The following SDK2 variants were observed in gnomAD, a reference collection of about 807,000 sequenced individuals.
The protein encoded by SDK2 is sidekick cell adhesion molecule 2, also known as protein sidekick-2.
In SDK2, 105 loss-of-function variants were observed where a neutral mutation model predicts 253.9. That is an observed-to-expected ratio of 0.41 (90% CI 0.35 to 0.49). The LOEUF is 0.49. Ranked by LOEUF, SDK2 falls within the 20% of genes least tolerant of loss-of-function variation. The pLI is 0.06. For synonymous variants in SDK2, 1,249 were observed against 1,234.9 expected (o/e 1.01, Z -0.24); for missense variants, 2,608 against 3,003.0 (o/e 0.87, Z 3.07).
chr17:73,478,483 T>C (rs1464389462), intron 2 of SDK2, among the ~76,000 whole-genome samples: 1 of 152,150 alleles, frequency 6.6e-6, no homozygotes, highest in Non-Finnish European at 1.5e-5. Flanking sequence ...GTTCTCGTCA[T>C]CTCCATCACA....
At chr17:73,471,371 G>T (rs985636322) in intron 3 of SDK2, among the ~76,000 whole-genome samples, 1 of 152,180 alleles carries the variant, frequency 6.6e-6, no homozygotes, top group Non-Finnish European at 1.5e-5. Context: ...GCTGAGGTGG[G>T]CAGATCACTT....
chr17:73,643,995 C>G lies in SDK2; in HGVS notation c.64+30G>C. The stretch of plus-strand genomic sequence containing the variant: ...CCCCCGCCCACTCTCCCAGCCCCCT[C>G]CCTGTCCCCACGTGGGGGTCCCTCC... On this transcript the variant is annotated intron_variant, in intron 1 of 44. Transcript: ENST00000392650. The surrounding 1 kb of genome is among the most constrained non-coding windows in gnomAD (Gnocchi z 6.9). 6.7e-7 allele frequency: 1 copy of G among 1,494,734 alleles called. No individual in the cohort carries two copies. The highest frequency in any genetic ancestry group is 9.1e-7 in the Non-Finnish European group (1 of 1,098,748). The allele number at this position is 1,494,734 out of a possible 1,614,324, so 92.6% of individuals were successfully genotyped here. A position where few individuals can be genotyped will look rare whatever the true frequency, so the allele number is the denominator to read the frequency against.
intron 39 of SDK2, 139 bp from the exon 40 acceptor site, chr17:73,358,343 C>T (rs1374389750): frequency 3.1e-5 from 37 of 1,175,716 alleles, no homozygotes; most frequent in Non-Finnish European, 1.5e-5. Context: ...GCAAATGTCG[C>T]GGCCTGAGAG....
At chr17:73,529,496 C>G (rs771380788) in intron 1 of SDK2, among the ~76,000 whole-genome samples, 21 of 152,096 alleles carry the variant, frequency 1.4e-4, no homozygotes, top group Non-Finnish European at 2.1e-4. Context: ...GTAGCGTTCC[C>G]CAAAATTCAT....
chr17:73,595,123 T>C (rs143060664), intron 1 of SDK2, among the ~76,000 whole-genome samples: 8 of 152,244 alleles, frequency 5.3e-5, no homozygotes, highest in East Asian at 3.9e-4. Context: ...TAAGTGGGCA[T>C]TGGGTGGGCA....
intron 1 of SDK2, among the ~76,000 whole-genome samples, chr17:73,547,775 G>C (rs2044989053): frequency 6.6e-6 from 1 of 152,222 alleles, no homozygotes; most frequent in African/African-American, 2.4e-5. Context: ...GATCAGATCT[G>C]CTGAAGTGTT....
intron 36 of SDK2, among the ~76,000 whole-genome samples, chr17:73,372,232 G>A (rs1299406724): frequency 6.6e-6 from 1 of 152,210 alleles, no homozygotes; most frequent in Non-Finnish European, 1.5e-5. Flanking sequence ...GAGAGGGACT[G>A]ACACGCGTGC....
At chr17:73,568,439 T>C (rs1321827457) in intron 1 of SDK2, among the ~76,000 whole-genome samples, 1 of 152,070 alleles carries the variant, frequency 6.6e-6, no homozygotes. Context: ...TTTATAACAA[T>C]GCAAAATGGA....
chr17:73,471,324 G>A (rs1183963304), intron 3 of SDK2, among the ~76,000 whole-genome samples: 3 of 152,172 alleles, frequency 2.0e-5, no homozygotes, highest in African/African-American at 4.8e-5. Flanking sequence ...CATACTGGGC[G>A]CGGTGGCTCA....
In SDK2 at chr17:73,612,515, C is replaced by G. The variant is rs751470; in HGVS notation, c.64+31510G>C. ...GGCCAAGGGAAGGGAGTTCTGCAGC[C>G]GACAAGCCCAGGGTGGCAGCCTGAG... On this transcript the variant is annotated intron_variant, in intron 1 of 44. Transcript: ENST00000392650. This position sits in a 1 kb window ranked among gnomAD's most constrained non-coding sequence, Gnocchi z 4.4. Among the ~76,000 whole-genome samples the G allele has an allele frequency of 0.44, 67,039 of 152,014 alleles. 15,171 individuals are homozygous for G. Among genetic ancestry groups the G allele is most frequent in the Admixed American group, 0.53 (8,114 of 15,272 alleles).
chr17:73,625,748 G>A (rs1341012771), intron 1 of SDK2, among the ~76,000 whole-genome samples: 2 of 152,044 alleles, frequency 1.3e-5, no homozygotes, highest in Non-Finnish European at 2.9e-5. Context: ...CGGCTCAAGC[G>A]ATTCCCTTGC....
chr17:73,504,243 T>A (rs1227013483), intron 2 of SDK2: 3 of 76,808 alleles, frequency 3.9e-5, no homozygotes, highest in African/African-American at 8.7e-5. Context: ...AGAAAGTGTG[T>A]GTGTGTGTGT....
intron 1 of SDK2, among the ~76,000 whole-genome samples, chr17:73,627,791 G>A (rs774614133): frequency 4.6e-5 from 7 of 152,212 alleles, no homozygotes; most frequent in Non-Finnish European, 8.8e-5. Context: ...GCTCACACCT[G>A]TAATCCCAGC....
intron 1 of SDK2, among the ~76,000 whole-genome samples, chr17:73,630,261 C>T (rs1335440155): frequency 1.3e-5 from 2 of 152,190 alleles, no homozygotes; most frequent in Non-Finnish European, 2.9e-5. Flanking sequence ...TCCCAGGCCC[C>T]TCCCAGACCC....
rs935863617 is a variant in SDK2, at chr17:73,435,717, G to A, written c.1001-73C>T. ...TCCGCCTAGGAGGGGTGCTTGGGAG[G>A]AGGCCGGGCCCGGAAATCTGCGAGG... On this transcript the variant is annotated intron_variant, in intron 8 of 44. Coordinates refer to ENST00000392650, the MANE Select transcript of SDK2 (RefSeq NM_001144952.2). This position sits in a 1 kb window ranked among gnomAD's most constrained non-coding sequence, Gnocchi z 5.7. 7.2e-7 allele frequency: 1 copy of A among 1,396,972 alleles called. No homozygotes were observed. The highest frequency in any genetic ancestry group is 9.6e-7 in the Non-Finnish European group (1 of 1,044,840). The allele number at this position is 1,396,972 out of a possible 1,614,324, so 86.5% of individuals were successfully genotyped here.
rs751302864 is a variant in SDK2 at position 73,358,172 on chromosome 17, C to G, written c.5500G>C (p.Val1834Leu). 4 of 1,609,052 alleles carry G rather than the reference C, an allele frequency of 2.5e-6. No individual in the cohort carries two copies. The highest frequency in any genetic ancestry group is 2.7e-5 in the African/African-American group (2 of 74,648). Reference sequence around the variant, plus strand: ...ATGGCGATGGCAGAGCTGTACCGCACGATGATGGGCACGCCAGGCGGTCCT... The same window carrying G: ...ATGGCGATGGCAGAGCTGTACCGCAGGATGATGGGCACGCCAGGCGGTCCT... ...APGPPGVPII[V>L]RYSSAIAIHW... Residue 1834 changes from valine (V) to leucine (L), a missense_variant, in exon 40 of 45, where the codon GTG becomes CTG. Transcript: ENST00000392650.
At chr17:73,510,192 A>T (rs533575440) in intron 1 of SDK2, among the ~76,000 whole-genome samples, 1 of 152,224 alleles carries the variant, frequency 6.6e-6, no homozygotes, top group Non-Finnish European at 1.5e-5. Context: ...TCCAGGCCTC[A>T]CTGGGTTCAG....
intron 24 of SDK2, among the ~76,000 whole-genome samples, chr17:73,396,171 C>T (rs968584374): frequency 6.6e-6 from 1 of 152,182 alleles, no homozygotes; most frequent in Non-Finnish European, 1.5e-5. Flanking sequence ...CCACGCCCAA[C>T]CAGCCTCCTC....
At chr17:73,531,623 C>T (rs1034529963) in intron 1 of SDK2, among the ~76,000 whole-genome samples, 7 of 152,308 alleles carry the variant, frequency 4.6e-5, no homozygotes, top group African/African-American at 1.7e-4. Context: ...GCCTCCCAGC[C>T]GCCAGTCATT....
Sources: gnomAD v4.1 joint callset for allele counts (sites outside exome capture counted in the v4.1 genomes callset) on GRCh38, gnomAD v4.1.1 for gene constraint, Gnocchi (gnomAD v3.1) non-coding constraint, MANE v1.5 for transcripts, NCBI Gene and HGNC (gene_info 2026-07-23, HGNC 2026-07-21) for gene names.